The following WDR3 variants were observed in gnomAD, a reference collection of about 807,000 sequenced individuals.
WDR3 encodes WD repeat domain 3.
WDR3 carries 81 observed loss-of-function variants against 123.7 expected under a neutral mutation model. That is an observed-to-expected ratio of 0.65 (90% CI 0.55 to 0.79). The LOEUF is 0.79. WDR3 is among the 30% of genes least tolerant of loss of function. WDR3 has a pLI of 0.00. For synonymous variants in WDR3, 390 were observed against 388.8 expected (o/e 1.00, Z -0.04); for missense variants, 1,027 against 1,123.2 (o/e 0.91, Z 1.22).
intron 22 of WDR3, 58 bp from the exon 23 acceptor site, chr1:117,954,522 A>G (rs1557825994): frequency 6.6e-7 from 1 of 1,519,986 alleles, no homozygotes; most frequent in East Asian, 2.3e-5. Context: ...TCTGTCTATA[A>G]CAAGTGCTAC....
At chr1:117,952,157 A>T in intron 17 of WDR3, 81 bp downstream of exon 17, 1 of 1,517,038 alleles carries the variant, frequency 6.6e-7, no homozygotes. Flanking sequence ...TCTATTTTTC[A>T]GTGTTCTCAG....
chr1:117,938,704 G>A, intron 5 of WDR3, 146 bp downstream of exon 5: 1 of 647,704 alleles, frequency 1.5e-6, no homozygotes, highest in Non-Finnish European at 2.5e-6. Flanking sequence ...AGGCTGGTAT[G>A]ATGGAAGCAA....
intron 1 of WDR3, chr1:117,930,039 A>T (rs1650648490): frequency 6.6e-6 from 1 of 152,472 alleles, no homozygotes; most frequent in Non-Finnish European, 1.5e-5. Flanking sequence ...CCTGAGGATG[A>T]TATGACCGTG....
Position 117,957,087 on chromosome 1 carries a change from C to A in WDR3, c.2473C>A (p.Leu825Ile). ...IKSSELEESL[L>I]VLPFSYVPDI... ...TTTCAGTGAGCTGGAAGAATCTCTACTTGTGCTGCCTTTCTCTTATGTCCC... is the reference window on the plus strand; with the variant it reads ...TTTCAGTGAGCTGGAAGAATCTCTAATTGTGCTGCCTTTCTCTTATGTCCC... The change falls in exon 25 of 27, where the codon CTT becomes ATT. Residue 825 changes from leucine (L) to isoleucine (I), a missense_variant. Transcript: ENST00000349139. 6.3e-7 allele frequency: 1 copy of A among 1,597,596 alleles called. No individual in the cohort carries two copies.
At chr1:117,933,960 T>G (rs1426929599) in intron 2 of WDR3, among the ~76,000 whole-genome samples, 2 of 152,210 alleles carry the variant, frequency 1.3e-5, no homozygotes, top group African/African-American at 4.8e-5. Flanking sequence ...GCCTACCACT[T>G]TTGCCAAACC....
rs1452242416 is a variant in WDR3 at position 117,959,768 on chromosome 1, C to A, written c.*321C>A. ...AATTGTTTTAATTAGGTATTTGTTT[C>A]ATTGGAGTTGAAATTAACATTTCAA... On this transcript the variant is annotated 3_prime_UTR_variant, in exon 27 of 27. Transcript: ENST00000349139. 2 of 179,048 alleles carry A rather than the reference C, an allele frequency of 1.1e-5. No homozygotes were observed. Among genetic ancestry groups the A allele is most frequent in the Non-Finnish European group, 2.3e-5 (2 of 86,544 alleles). 11.1% of individuals were successfully genotyped at this position (179,048 alleles called of 1,614,324 possible). A position where few individuals can be genotyped will look rare whatever the true frequency, so the allele number is the denominator to read the frequency against.
At chr1:117,957,764 G>A (rs1216533543) in intron 25 of WDR3, among the ~76,000 whole-genome samples, 1 of 152,192 alleles carries the variant, frequency 6.6e-6, no homozygotes, top group Non-Finnish European at 1.5e-5. Context: ...GGTTCTTCCA[G>A]TGTGGCCCAG....
chr1:117,956,713 A>G (rs532630263), intron 24 of WDR3, among the ~76,000 whole-genome samples: 20 of 152,318 alleles, frequency 1.3e-4, no homozygotes, highest in African/African-American at 4.3e-4. Flanking sequence ...AGGATCAATC[A>G]TCATGTCAGG....
chr1:117,952,711 G>T, intron 19 of WDR3, 49 bp downstream of exon 19: 1 of 1,595,868 alleles, frequency 6.3e-7, no homozygotes, highest in Non-Finnish European at 8.5e-7. Context: ...TATCTGACAG[G>T]CTGTCCTAGT....
In WDR3 at chr1:117,952,545, A is replaced by T. The variant is rs1355000342; in HGVS notation, c.2034A>T (p.Ile678=). ...TCCTCCAGGGTCATCACCAGGAAAT[A>T]TGGTGTTTGGCTGTAAGCCCCAGTG... ...IQTLEGHHQE[I]WCLAVSPSGD... The change falls in exon 19 of 27, where the codon ATA becomes ATT. Residue 678 remains isoleucine (I), a synonymous_variant. Coordinates refer to ENST00000349139, the MANE Select transcript of WDR3 (RefSeq NM_006784.3). 1 of 1,611,902 alleles carries T rather than the reference A, an allele frequency of 6.2e-7. No homozygotes were observed. The highest frequency in any genetic ancestry group is 2.2e-5 in the East Asian group (1 of 44,854).
Position 117,963,716 on chromosome 1 carries a change from TA to T in WDR3, c.*4271del. ...CAGGTGGCTTATAGGTTTCTGACTA[TA>T]AGAAGAGGGGAAGAAACCTGGGGTC... On this transcript the variant is annotated 3_prime_UTR_variant, in exon 27 of 27. Coordinates refer to ENST00000349139, the MANE Select transcript of WDR3 (RefSeq NM_006784.3). 1 of 1,332,356 alleles carries T rather than the reference TA, an allele frequency of 7.5e-7. No individual in the cohort carries two copies. The highest frequency in any genetic ancestry group is 1.0e-6 in the Non-Finnish European group (1 of 972,946). 82.5% of individuals were successfully genotyped at this position (1,332,356 alleles called of 1,614,324 possible). A position where few individuals can be genotyped will look rare whatever the true frequency, so the allele number is the denominator to read the frequency against.
rs1385723451 is a variant in WDR3, at chr1:117,933,375, T to C, written c.56T>C (p.Ile19Thr). ...RYVASAVFGV[I>T]GSQKGNIVFV... is the part of the protein sequence containing the mutation. ...GTTGCTAGTGCGGTCTTTGGCGTTATCGGCAGCCAAAAAGGTAATATTGTC... is the reference window on the plus strand; with the variant it reads ...GTTGCTAGTGCGGTCTTTGGCGTTACCGGCAGCCAAAAAGGTAATATTGTC... Residue 19 changes from isoleucine to threonine, a missense_variant, in exon 2 of 27, where the codon ATC becomes ACC. Transcript: ENST00000349139. 2 of 1,614,186 alleles carry C rather than the reference T, an allele frequency of 1.2e-6. No individual in the cohort carries two copies. The highest frequency in any genetic ancestry group is 4.5e-5 in the East Asian group (2 of 44,886).
intron 5 of WDR3, 21 bp downstream of exon 5, chr1:117,938,579 C>T: frequency 6.2e-7 from 1 of 1,603,334 alleles, no homozygotes; most frequent in South Asian, 1.1e-5. Context: ...GGTCATGGGC[C>T]CAGGGAAATA....
intron 23 of WDR3, 115 bp downstream of exon 23, chr1:117,954,742 C>A: frequency 1.8e-6 from 2 of 1,104,780 alleles, no homozygotes; most frequent in Non-Finnish European, 2.6e-6. Flanking sequence ...ACTTTGTCTT[C>A]AAAAGTCTCT....
intron 12 of WDR3, 87 bp downstream of exon 12, chr1:117,946,266 T>C (rs1024618848): frequency 1.9e-6 from 2 of 1,052,712 alleles, no homozygotes; most frequent in East Asian, 2.6e-5. Context: ...TTTTAGCATA[T>C]TGGAAATGGA....
intron 5 of WDR3, among the ~76,000 whole-genome samples, chr1:117,939,126 C>T (rs771750015): frequency 5.3e-5 from 8 of 152,250 alleles, no homozygotes; most frequent in Non-Finnish European, 2.9e-5. Context: ...TAGTGGGGCA[C>T]CTTTTATTTG....
chr1:117,940,060 C>T (rs905485243), intron 6 of WDR3, among the ~76,000 whole-genome samples: 1 of 152,150 alleles, frequency 6.6e-6, no homozygotes, highest in Admixed American at 6.5e-5. Flanking sequence ...CATTAGTAGG[C>T]TAGGGGTTAT....
At chr1:117,937,501 T>A (rs905371953) in intron 4 of WDR3, among the ~76,000 whole-genome samples, 2 of 152,216 alleles carry the variant, frequency 1.3e-5, no homozygotes, top group Non-Finnish European at 2.9e-5. Flanking sequence ...ACTAAATGCT[T>A]TACCAATGGT....
rs1571077829 is a variant in WDR3, at chr1:117,965,381, C to T, written c.*5934C>T. ...GTTCCTTGCCCATACATTCAGCCAT[C>T]ACCTCTGTGTAAACGATGCTTAAAA... On this transcript the variant is annotated 3_prime_UTR_variant, in exon 27 of 27. Coordinates refer to ENST00000349139, the MANE Select transcript of WDR3 (RefSeq NM_006784.3). 4 of 152,360 alleles carry T rather than the reference C, an allele frequency of 2.6e-5. No homozygotes were observed. The South Asian group carries it at 8.3e-4, about 32-fold the overall frequency. The allele number at this position is 152,360 out of a possible 1,614,324, so 9.4% of individuals were successfully genotyped here.
Sources: allele counts gnomAD v4.1 joint callset (sites outside exome capture counted in the v4.1 genomes callset), GRCh38; gene constraint gnomAD v4.1.1; transcripts MANE v1.5; gene names NCBI Gene and HGNC (gene_info 2026-07-23, HGNC 2026-07-21).